The following UBE4A variants were observed in gnomAD, a reference collection of about 807,000 sequenced individuals.
UBE4A encodes ubiquitination factor E4A, also known as ubiquitin conjugation factor E4 A.
In UBE4A, 48 loss-of-function variants were observed where a neutral mutation model predicts 117.9. The observed-to-expected ratio is 0.41, with a 90% CI of 0.32 to 0.52. The LOEUF is 0.52. Ranked by LOEUF, UBE4A falls within the 20% of genes least tolerant of loss-of-function variation. The pLI, the probability that UBE4A is intolerant of heterozygous loss-of-function variation, is 0.33. For missense variants in UBE4A, 1,067 were observed against 1,296.3 expected, an observed-to-expected ratio of 0.82 and a Z score of 2.72; for synonymous variants, 407 against 450.0, an observed-to-expected ratio of 0.90 and a Z score of 1.21.
chr11:118,390,405 A>G (rs1247667967), intron 17 of UBE4A, among the ~76,000 whole-genome samples: 5 of 132,086 alleles, frequency 3.8e-5, no homozygotes, highest in African/African-American at 1.5e-4. Flanking sequence ...TTTATAATTT[A>G]TTATTATATT....
At chr11:118,388,991 A>T (rs868963963) in intron 16 of UBE4A, among the ~76,000 whole-genome samples, 8 of 152,054 alleles carry the variant, frequency 5.3e-5, no homozygotes, top group Admixed American at 1.3e-4. Flanking sequence ...TAATTTTTTT[A>T]AAAAATGATG....
In UBE4A at chr11:118,373,187, A is replaced by G. The variant is rs762022897; in HGVS notation, c.823A>G (p.Ile275Val). Reference sequence around the variant, plus strand: ...AGAAGTCATGATTCCAGTGTTTGATATTTTATTGGGCCGAATAAAAGATCT... The same window carrying G: ...AGAAGTCATGATTCCAGTGTTTGATGTTTTATTGGGCCGAATAAAAGATCT... ...FPEVMIPVFD[I>V]LLGRIKDLEL... The change falls in exon 7 of 20, where the codon ATT (isoleucine) becomes GTT (valine). Residue 275 changes from isoleucine (I) to valine (V), a missense_variant. By Grantham distance (29) the Ile-to-Val change is conservative. This residue lies in a region of UBE4A where 1,001 missense variants were observed against 1,184.0 expected (regional missense o/e 0.85). Transcript: ENST00000252108. 38 of 1,613,860 alleles carry G rather than the reference A, an allele frequency of 2.4e-5. No individual in the cohort carries two copies. The highest frequency in any genetic ancestry group is 3.0e-5 in the Non-Finnish European group (35 of 1,180,002).
At chr11:118,388,194 G>A (rs957540649) in intron 16 of UBE4A, among the ~76,000 whole-genome samples, 5 of 151,902 alleles carry the variant, frequency 3.3e-5, no homozygotes, top group Non-Finnish European at 5.9e-5. Context: ...ATATATTGAG[G>A]GCATCTGTGA....
In UBE4A at chr11:118,389,877, G is replaced by C. The variant is rs1038029121; in HGVS notation, c.2740G>C (p.Asp914His). 1 of 1,612,492 alleles carries C rather than the reference G, an allele frequency of 6.2e-7. No homozygotes were observed. The highest frequency in any genetic ancestry group is 1.1e-5 in the South Asian group (1 of 90,960). ...FDFKPQQLVS[D>H]ICTIYLNLGD... ...CTTCAAACCCCAGCAGCTTGTATCA[G>C]ATATCTGCACTATCTACTTAAATCT... Residue 914 changes from aspartate to histidine, a missense_variant, in exon 17 of 20, where the codon GAT becomes CAT. Physicochemically the swap from Asp to His is moderately conservative, Grantham distance 81. This residue lies in a region of UBE4A where 1,001 missense variants were observed against 1,184.0 expected (regional missense o/e 0.85). Transcript: ENST00000252108.
intron 19 of UBE4A, among the ~76,000 whole-genome samples, chr11:118,395,949 C>T (rs1402760956): frequency 6.6e-6 from 1 of 152,044 alleles, no homozygotes; most frequent in Non-Finnish European, 1.5e-5. Context: ...ATGGTGCAGG[C>T]CTGTAATCCC....
chr11:118,392,657 T>C lies in UBE4A; in HGVS notation c.2917-81T>C, dbSNP rs554865365. The C allele has an allele frequency of 1.5e-5, 20 of 1,367,640 alleles. No individual in the cohort carries two copies. The African/African-American group carries it at 2.6e-4, about 18-fold the overall frequency. The allele number at this position is 1,367,640 out of a possible 1,614,324, so 84.7% of individuals were successfully genotyped here. The stretch of plus-strand genomic sequence containing the variant: ...ATGACCTGTTTTTTTATTTTTGAGA[T>C]GGAGTCTTGCTCTGTCATTGAGCAC... On this transcript the variant is annotated intron_variant, in intron 18 of 19. Transcript: ENST00000252108.
At chr11:118,386,798 G>A (rs1220853464) in intron 16 of UBE4A, among the ~76,000 whole-genome samples, 186 bp downstream of exon 16, 2 of 152,228 alleles carry the variant, frequency 1.3e-5, no homozygotes, top group Non-Finnish European at 2.9e-5. Context: ...ACATGGAAGT[G>A]AGGAAATGGT....
Position 118,379,594 on chromosome 11 carries a change from G to T in UBE4A, c.1720G>T (p.Ala574Ser). ...LMTIYLSTKT[A>S]MTEPQMLQNC... The stretch of plus-strand genomic sequence containing the variant: ...GACCATCTATCTTTCTACCAAGACT[G>T]CCATGACAGAGCCACAAATGCTACA... Residue 574 changes from alanine to serine, a missense_variant, in exon 11 of 20, where the codon GCC (alanine) becomes TCC (serine). Physicochemically the swap from Ala to Ser is moderately conservative, Grantham distance 99. Coordinates refer to ENST00000252108, the MANE Select transcript of UBE4A (RefSeq NM_001204077.2). 3 of 1,614,214 alleles carry T rather than the reference G, an allele frequency of 1.9e-6. No individual in the cohort carries two copies. The highest frequency in any genetic ancestry group is 2.5e-6 in the Non-Finnish European group (3 of 1,180,030).
At chr11:118,367,264 A>G (rs1948571761) in intron 2 of UBE4A, among the ~76,000 whole-genome samples, 1 of 152,086 alleles carries the variant, frequency 6.6e-6, no homozygotes, top group African/African-American at 2.4e-5. Flanking sequence ...AAAAAATCGA[A>G]GGAATTTCAT....
intron 16 of UBE4A, 126 bp from the exon 17 acceptor site, chr11:118,389,599 G>C: frequency 1.1e-6 from 1 of 942,728 alleles, no homozygotes; most frequent in South Asian, 4.2e-5. Flanking sequence ...TTTTAAAAAA[G>C]TAGTTCCTTC....
intron 6 of UBE4A, 73 bp from the exon 7 acceptor site, chr11:118,373,013 A>T: frequency 7.5e-7 from 1 of 1,326,786 alleles, no homozygotes; most frequent in Non-Finnish European, 1.0e-6. Context: ...AATTATTGAA[A>T]GTAAAGAGCT....
rs1555125123 is a variant in UBE4A, at chr11:118,374,985, G to A, written c.1206G>A (p.Trp402Ter). The A allele has an allele frequency of 6.2e-7, 1 of 1,610,204 alleles. No individual in the cohort carries two copies. The highest frequency in any genetic ancestry group is 1.7e-5 in the Admixed American group (1 of 59,818). Residue 402 changes from tryptophan to a stop codon, truncating the protein, a stop_gained, in exon 9 of 20, where the codon TGG becomes TGA. Transcript: ENST00000252108. LOFTEE classifies it high-confidence loss of function. Reference protein sequence around the residue: ...SPETKHCILSWLGNCLHANAG... With the variant: ...SPETKHCILS Reference sequence around the variant, plus strand: ...AAACCAAACACTGTATCTTGTCCTGGCTTGGAAACTGTTTGCATGCAAATG... The same window carrying A: ...AAACCAAACACTGTATCTTGTCCTGACTTGGAAACTGTTTGCATGCAAATG...
intron 11 of UBE4A, among the ~76,000 whole-genome samples, chr11:118,380,429 AAAATTAGCCAGG>A (rs1168525668): frequency 6.6e-6 from 1 of 151,978 alleles, no homozygotes; most frequent in Non-Finnish European, 1.5e-5. Context: ...CAAAAAATAA[AAAATTAGCCAGG>A]CATGGTGGTG....
At position 118,396,433 on chromosome 11, in the gene UBE4A, T is replaced by C. The variant is rs1565542367; in HGVS notation, c.3194T>C (p.Leu1065Pro). 6.2e-7 allele frequency: 1 copy of C among 1,613,692 alleles called. No individual in the cohort carries two copies. The highest frequency in any genetic ancestry group is 8.5e-7 in the Non-Finnish European group (1 of 1,179,798). The change falls in exon 20 of 20, where the codon CTT (leucine) becomes CCT (proline). Residue 1065 changes from leucine to proline, a missense_variant. By Grantham distance (98) the Leu-to-Pro change is moderately conservative. Around this residue, in one of 3 missense-constraint regions of UBE4A, gnomAD observed 32 missense variants for 34.5 expected, o/e 0.93. Transcript: ENST00000252108. Reference protein sequence around the residue: ...LAERKQQKEQLE With the variant: ...LAERKQQKEQPE ...GAGAGGAAACAACAAAAGGAGCAAC[T>C]TGAATAGATACTGTGAACTAACCAA...
In UBE4A at chr11:118,397,813, A is replaced by G. The variant is rs782267678; in HGVS notation, c.*1373A>G. ...ATAAATAGTAGTTTTATATTTCAAC[A>G]CAAGTTGCTATAAGCAGTCCTTGAT... On this transcript the variant is annotated 3_prime_UTR_variant, in exon 20 of 20. Transcript: ENST00000252108. 6.6e-6 allele frequency: 1 copy of G among 152,224 alleles called. No individual in the cohort carries two copies. Among genetic ancestry groups the G allele is most frequent in the Non-Finnish European group, 1.5e-5 (1 of 68,046 alleles). The allele number at this position is 152,224 out of a possible 1,614,324, so 9.4% of individuals were successfully genotyped here.
At position 118,373,141 on chromosome 11, in the gene UBE4A, T is replaced by C. The variant is rs1408748451; in HGVS notation, c.777T>C (p.Asp259=). ...AGGTCATTGAAGCCTTGATATTGGA[T>C]GAGGAAGTTAGAACATTTCCAGAAG... is the stretch of plus-strand genomic sequence containing the variant. ...LEEVIEALIL[D]EEVRTFPEVM... is the part of the protein sequence containing the mutation. The change falls in exon 7 of 20, where the codon GAT becomes GAC. Residue 259 remains aspartate (D), a synonymous_variant. Transcript: ENST00000252108. 1.9e-6 allele frequency: 3 copies of C among 1,614,026 alleles called. No individual in the cohort carries two copies. Among genetic ancestry groups the C allele is most frequent in the Non-Finnish European group, 2.5e-6 (3 of 1,180,032 alleles).
intron 17 of UBE4A, among the ~76,000 whole-genome samples, chr11:118,390,340 C>G (rs920539755): frequency 1.4e-5 from 2 of 147,578 alleles, no homozygotes; most frequent in Non-Finnish European, 3.0e-5. Context: ...CCTAGAAAGT[C>G]TTTCTGTATC....
chr11:118,379,849 T>C (rs1948685485), intron 11 of UBE4A, 99 bp downstream of exon 11: 1 of 1,360,384 alleles, frequency 7.4e-7, no homozygotes, highest in Admixed American at 2.7e-5. Context: ...TTCTTCGTTA[T>C]CATTCAGTTG....
At chr11:118,364,667 T>C (rs1392647144) in intron 1 of UBE4A, among the ~76,000 whole-genome samples, 1 of 152,152 alleles carries the variant, frequency 6.6e-6, no homozygotes, top group Non-Finnish European at 1.5e-5. Flanking sequence ...TCTTGTCTTA[T>C]TATTTTTCAG....
Sources: allele counts gnomAD v4.1 joint callset (sites outside exome capture counted in the v4.1 genomes callset), GRCh38; gene constraint gnomAD v4.1.1; regional missense constraint gnomAD v4.1.1; transcripts MANE v1.5; gene names NCBI Gene and HGNC (gene_info 2026-07-23, HGNC 2026-07-21).